MEIOC: variants seen among roughly 807,000 people sequenced by gnomAD.
The protein encoded by MEIOC is meiosis specific with coiled-coil domain, also known as meiosis-specific coiled-coil domain-containing protein MEIOC.
MEIOC carries 9 observed loss-of-function variants against 85.3 expected under a neutral mutation model. The observed-to-expected ratio is 0.11, with a 90% CI of 0.06 to 0.18. MEIOC has a LOEUF of 0.18. Ranked by LOEUF, MEIOC falls within the 10% of genes least tolerant of loss-of-function variation. MEIOC has a pLI of 1.00. For synonymous variants in MEIOC, 365 were observed against 393.7 expected (o/e 0.93, Z 0.86); for missense variants, 898 against 1,129.4 (o/e 0.80, Z 2.94).
intron 2 of MEIOC, among the ~76,000 whole-genome samples, chr17:44,659,803 C>T (rs1000057692): frequency 9.2e-5 from 14 of 152,228 alleles, no homozygotes; most frequent in African/African-American, 3.4e-4. Flanking sequence ...AACTTTAGAA[C>T]TCAAAGGATA....
At chr17:44,669,974 A>G (rs1314781623) in intron 6 of MEIOC, 1 of 154,740 alleles carries the variant, frequency 6.5e-6, no homozygotes, top group Non-Finnish European at 1.4e-5. Context: ...CTAGAACTAT[A>G]ATATTTAGGA....
Position 44,668,014 on chromosome 17 carries a change from T to A in MEIOC, c.2103T>A (p.Val701=). 2.5e-6 allele frequency: 4 copies of A among 1,613,716 alleles called. No individual in the cohort carries two copies. Among genetic ancestry groups the A allele is most frequent in the Non-Finnish European group, 3.4e-6 (4 of 1,179,704 alleles). ...RSTHPFGHSV[V]PLLDSYDLLS... is the part of the protein sequence containing the mutation. ...CCCACCCATTTGGCCATTCAGTTGT[T>A]CCACTGTTGGATTCCTATGACTTAC... Residue 701 remains valine, a synonymous_variant, in exon 5 of 8, where the codon GTT becomes GTA. Transcript: ENST00000409122.
chr17:44,671,916 A>AC (rs1972018625), intron 6 of MEIOC, among the ~76,000 whole-genome samples: 2 of 151,634 alleles, frequency 1.3e-5, no homozygotes, highest in Admixed American at 6.6e-5. Context: ...AAAAGAAAAA[A>AC]AAAAAATTAC....
chr17:44,658,737 G>A (rs1240772127), intron 2 of MEIOC, among the ~76,000 whole-genome samples: 1 of 148,490 alleles, frequency 6.7e-6, no homozygotes, highest in African/African-American at 2.5e-5. Flanking sequence ...AGGTTGCAGT[G>A]AGCCAAGATC....
chr17:44,658,571 G>A (rs1029256789), intron 2 of MEIOC, among the ~76,000 whole-genome samples: 2 of 151,648 alleles, frequency 1.3e-5, no homozygotes, highest in African/African-American at 2.4e-5. Context: ...GAGGCGGGTG[G>A]ATCACCTGAG....
chr17:44,667,608 C>T lies in MEIOC; in HGVS notation c.1697C>T (p.Thr566Ile), dbSNP rs778738398. Residue 566 changes from threonine to isoleucine, a missense_variant, in exon 5 of 8, where the codon ACA becomes ATA. Transcript: ENST00000409122. ...IQSVNHIEGL[T>I]KPGEENLFKL... ...TCTGTCAATCACATAGAAGGACTAA[C>T]AAAGCCTGGAGAAGAAAATCTCTTC... The T allele has an allele frequency of 1.2e-6, 2 of 1,613,380 alleles. No individual in the cohort carries two copies. Among genetic ancestry groups the T allele is most frequent in the Non-Finnish European group, 1.7e-6 (2 of 1,179,666 alleles).
chr17:44,665,304 A>G (rs1276870924), intron 3 of MEIOC, 80 bp from the exon 4 acceptor site: 1 of 938,918 alleles, frequency 1.1e-6, no homozygotes, highest in Non-Finnish European at 1.5e-6. Flanking sequence ...CATATTTTAT[A>G]GATAAAGATG....
chr17:44,667,398 A>G lies in MEIOC; in HGVS notation c.1487A>G (p.Asn496Ser). 6.2e-7 allele frequency: 1 copy of G among 1,613,484 alleles called. No homozygotes were observed. Among genetic ancestry groups the G allele is most frequent in the Non-Finnish European group, 8.5e-7 (1 of 1,179,468 alleles). The change falls in exon 5 of 8, where the codon AAC becomes AGC. Residue 496 changes from asparagine to serine, a missense_variant. Around this residue, in one of 2 missense-constraint regions of MEIOC, gnomAD observed 734 missense variants for 860.1 expected, o/e 0.85. Transcript: ENST00000409122. ...NTPIPYRNQG[N>S]LMKLNSHLSA... ...CCTATTCCTTATCGAAATCAAGGTA[A>G]CTTGATGAAATTAAATAGTCATTTA...
intron 6 of MEIOC, among the ~76,000 whole-genome samples, chr17:44,671,788 C>A (rs972593345): frequency 3.3e-5 from 5 of 151,854 alleles, no homozygotes; most frequent in African/African-American, 1.2e-4. Context: ...CGCCTGTAGT[C>A]CCAGCTACTC....
At chr17:44,658,503 A>G (rs1190025491) in intron 2 of MEIOC, among the ~76,000 whole-genome samples, 1 of 151,304 alleles carries the variant, frequency 6.6e-6, no homozygotes, top group African/African-American at 2.4e-5. Flanking sequence ...TGCTTTGAAA[A>G]TAAGTTAAGG....
Position 44,674,433 on chromosome 17 carries a change from C to T in MEIOC, c.*237C>T. 8.0e-7 allele frequency: 1 copy of T among 1,242,830 alleles called. No homozygotes were observed. Among genetic ancestry groups the T allele is most frequent in the Non-Finnish European group, 1.0e-6 (1 of 989,750 alleles). 77.0% of individuals were successfully genotyped at this position (1,242,830 alleles called of 1,614,324 possible). On this transcript the variant is annotated 3_prime_UTR_variant, in exon 8 of 8. Transcript: ENST00000409122. The stretch of plus-strand genomic sequence containing the variant: ...CTCAGAGTTCTGAGTAGTCAGATAA[C>T]AAGTTTAAGTAAATTAAATATTTCC...
Position 44,666,927 on chromosome 17 carries a change from T to G in MEIOC, c.1016T>G (p.Leu339Arg), listed in dbSNP as rs1401548700. ...PEYVHPNKAK[L>R]NKCSNFSVQD... ...TATGTTCATCCTAATAAGGCTAAGC[T>G]TAATAAATGTTCAAATTTTAGTGTC... The change falls in exon 5 of 8, where the codon CTT becomes CGT. Residue 339 changes from leucine to arginine, a missense_variant. Around this residue, in one of 2 missense-constraint regions of MEIOC, gnomAD observed 734 missense variants for 860.1 expected, o/e 0.85. Coordinates refer to ENST00000409122, the MANE Select transcript of MEIOC (RefSeq NM_001145080.3). 20 of 1,609,724 alleles carry G rather than the reference T, an allele frequency of 1.2e-5. No individual in the cohort carries two copies. In the South Asian group the frequency reaches 2.2e-4, roughly 18 times the overall value.
chr17:44,657,201 C>T lies in MEIOC; in HGVS notation c.144C>T (p.Asp48=). 6.4e-7 allele frequency: 1 copy of T among 1,551,942 alleles called. No individual in the cohort carries two copies. Among genetic ancestry groups the T allele is most frequent in the Non-Finnish European group, 8.7e-7 (1 of 1,146,976 alleles). Residue 48 remains aspartate, a synonymous_variant, in exon 2 of 8, where the codon GAC becomes GAT. Transcript: ENST00000409122. ...LGADAGSRLT[D]VFGSVMLTGS... ...CCGACGCCGGCAGCAGGTTAACCGACGTCTTCGGCAGCGTGATGTTGACTG... is the reference window on the plus strand; with the variant it reads ...CCGACGCCGGCAGCAGGTTAACCGATGTCTTCGGCAGCGTGATGTTGACTG...
chr17:44,666,482 T>A lies in MEIOC; in HGVS notation c.571T>A (p.Ser191Thr). The A allele has an allele frequency of 1.9e-6, 3 of 1,589,292 alleles. No individual in the cohort carries two copies. Among genetic ancestry groups the A allele is most frequent in the Non-Finnish European group, 2.6e-6 (3 of 1,166,690 alleles). Residue 191 changes from serine to threonine, a missense_variant, in exon 5 of 8, where the codon TCT (serine) becomes ACT (threonine). Physicochemically the swap from Ser to Thr is moderately conservative, Grantham distance 58. This residue lies in a region of MEIOC where 734 missense variants were observed against 860.1 expected (regional missense o/e 0.85). Coordinates refer to ENST00000409122, the MANE Select transcript of MEIOC (RefSeq NM_001145080.3). Reference sequence around the variant, plus strand: ...CAAAAGGCCAATAGATACAGTCATCTCTCAGCAAGCTTTTTATAGTGATGA... The same window carrying A: ...CAAAAGGCCAATAGATACAGTCATCACTCAGCAAGCTTTTTATAGTGATGA... ...ETKRPIDTVI[S>T]QQAFYSDESV...
rs775540950 is a variant in MEIOC at position 44,667,943 on chromosome 17, C to G, written c.2032C>G (p.Gln678Glu). ...TATGATGGGAGATTTAAGGCATAATCAGTGTTTTCAACAACTTGGTTCAAA... is the reference window on the plus strand; with the variant it reads ...TATGATGGGAGATTTAAGGCATAATGAGTGTTTTCAACAACTTGGTTCAAA... Reference protein sequence around the residue: ...NYMMGDLRHNQCFQQLGSNGF... With the variant: ...NYMMGDLRHNECFQQLGSNGF... Residue 678 changes from glutamine (Q) to glutamate (E), a missense_variant, in exon 5 of 8, where the codon CAG becomes GAG. By Grantham distance (29) the Gln-to-Glu change is conservative. Transcript: ENST00000409122. 35 of 1,613,728 alleles carry G rather than the reference C, an allele frequency of 2.2e-5. No homozygotes were observed. Among genetic ancestry groups the G allele is most frequent in the Non-Finnish European group, 2.8e-5 (33 of 1,179,818 alleles).
chr17:44,657,378 CTTTT>C (rs35032511), intron 2 of MEIOC, 117 bp downstream of exon 2: 9,157 of 292,182 alleles, frequency 0.031, 1 homozygote, highest in South Asian at 0.046. Flanking sequence ...CCAGGGAAAA[CTTTT>C]TTTTTTTTTT....
At position 44,675,107 on chromosome 17, in the gene MEIOC, A is replaced by C. The variant is rs1972058228; in HGVS notation, c.*911A>C. 1.0e-6 allele frequency: 1 copy of C among 984,844 alleles called. No individual in the cohort carries two copies. The highest frequency in any genetic ancestry group is 4.7e-5 in the South Asian group (1 of 21,270). 61.0% of individuals were successfully genotyped at this position (984,844 alleles called of 1,614,324 possible). On this transcript the variant is annotated 3_prime_UTR_variant, in exon 8 of 8. Coordinates refer to ENST00000409122, the MANE Select transcript of MEIOC (RefSeq NM_001145080.3). ...TTAAAGGTTAATCTCTAACTAGTTT[A>C]GCTTGCAATTGGTTAGTGTATATTT...
chr17:44,673,666 T>C, intron 7 of MEIOC, 120 bp downstream of exon 7: 4 of 871,132 alleles, frequency 4.6e-6, no homozygotes, highest in East Asian at 5.4e-5. Context: ...ACAGAATAAA[T>C]TGGTAAATAA....
In MEIOC at chr17:44,657,215, T is replaced by A; in HGVS notation, c.158T>A (p.Val53Glu). 6.4e-7 allele frequency: 1 copy of A among 1,552,026 alleles called. No homozygotes were observed. The highest frequency in any genetic ancestry group is 8.7e-7 in the Non-Finnish European group (1 of 1,147,012). Residue 53 changes from valine (V) to glutamate (E), a missense_variant, in exon 2 of 8, where the codon GTG becomes GAG. Val to Glu is a moderately radical substitution (Grantham distance 121). Coordinates refer to ENST00000409122, the MANE Select transcript of MEIOC (RefSeq NM_001145080.3). ...GSRLTDVFGSVMLTGSASFYD... is the reference protein window; with the variant it reads ...GSRLTDVFGSEMLTGSASFYD... ...AGGTTAACCGACGTCTTCGGCAGCG[T>A]GATGTTGACTGGCTCCGCTTCCTTC...
Sources: allele counts gnomAD v4.1 joint callset (sites outside exome capture counted in the v4.1 genomes callset), GRCh38; gene constraint gnomAD v4.1.1; regional missense constraint gnomAD v4.1.1; transcripts MANE v1.5; gene names NCBI Gene and HGNC (gene_info 2026-07-23, HGNC 2026-07-21).